The following RPN1 variants were observed in gnomAD, a reference collection of about 807,000 sequenced individuals.
The protein encoded by RPN1 is dolichyl-diphosphooligosaccharide--protein glycosyltransferase subunit 1.
In RPN1, 12 loss-of-function variants were observed where a neutral mutation model predicts 55.5. The ratio of observed to expected loss-of-function variants is 0.22; its 90% CI spans 0.14 to 0.35. The LOEUF (loss-of-function observed/expected upper bound fraction) is 0.35, where lower values mean the gene tolerates loss of function less well. Among genes scored for constraint, RPN1 ranks in the 10% least tolerant of loss-of-function variants. The pLI, the probability that RPN1 is intolerant of heterozygous loss-of-function variation, is 1.00. For missense variants in RPN1, 679 were observed against 761.3 expected (o/e 0.89, Z 1.27); for synonymous variants, 317 against 305.9 (o/e 1.04, Z -0.38).
At chr3:128,635,662 TATAG>T (rs1173240397) in intron 3 of RPN1, among the ~76,000 whole-genome samples, 6 of 110,182 alleles carry the variant, frequency 5.4e-5, no homozygotes, top group Non-Finnish European at 1.1e-4. Context: ...TATATATATA[TATAG>T]ATATCTATAG....
chr3:128,628,730 C>G (rs939752302), intron 5 of RPN1, among the ~76,000 whole-genome samples: 5 of 151,982 alleles, frequency 3.3e-5, no homozygotes, highest in African/African-American at 1.2e-4. Flanking sequence ...ACCTATAATC[C>G]CAGCACTTTA....
chr3:128,647,455 G>C (rs1223229383), intron 1 of RPN1, among the ~76,000 whole-genome samples: 2 of 152,068 alleles, frequency 1.3e-5, no homozygotes, highest in African/African-American at 4.8e-5. Context: ...CCAACACTTT[G>C]GGAGGACTGC....
chr3:128,636,728 T>C (rs1364913513), intron 3 of RPN1, among the ~76,000 whole-genome samples: 5 of 152,098 alleles, frequency 3.3e-5, no homozygotes, highest in African/African-American at 1.2e-4. Flanking sequence ...TTATTATTTT[T>C]TGTAAAAATG....
At chr3:128,642,121 TCAGA>T (rs1262711843) in intron 2 of RPN1, among the ~76,000 whole-genome samples, 1 of 152,298 alleles carries the variant, frequency 6.6e-6, no homozygotes, top group East Asian at 1.9e-4. Flanking sequence ...GACAGGGTAC[TCAGA>T]CAGCCTCAGA....
At position 128,627,831 on chromosome 3, in the gene RPN1, C is replaced by G. The variant is rs79831019; in HGVS notation, c.1037-999G>C. Among the ~76,000 whole-genome samples, 7 of 3,706 alleles carry G rather than the reference C, an allele frequency of 1.9e-3. No homozygotes were observed. The South Asian group carries it at 0.071, about 38-fold the overall frequency. The allele number at this position is 3,706 out of a possible 152,430, so 2.4% of individuals were successfully genotyped here. A position where few individuals can be genotyped will look rare whatever the true frequency, so the allele number is the denominator to read the frequency against. On this transcript the variant is annotated intron_variant, in intron 5 of 9. Transcript: ENST00000296255. ...AAAATGGGATGAAAACAAGAACACC[C>G]CTGTAAGAAAATGAAAACATGCCAG...
intron 3 of RPN1, 114 bp from the exon 4 acceptor site, chr3:128,632,271 G>A: frequency 5.7e-6 from 5 of 876,788 alleles, no homozygotes; most frequent in Non-Finnish European, 9.0e-6. Flanking sequence ...GGTAAATTAT[G>A]ATGTATCTAA....
At chr3:128,635,869 T>C (rs1280820516) in intron 3 of RPN1, among the ~76,000 whole-genome samples, 1 of 151,386 alleles carries the variant, frequency 6.6e-6, no homozygotes, top group Non-Finnish European at 1.5e-5. Context: ...AAACTTGTTA[T>C]GTATAATTTT....
At chr3:128,645,955 A>T (rs971517042) in intron 1 of RPN1, among the ~76,000 whole-genome samples, 1 of 152,062 alleles carries the variant, frequency 6.6e-6, no homozygotes, top group Non-Finnish European at 1.5e-5. Context: ...GTAATAGAAA[A>T]GTCTCAGGGC....
Position 128,622,232 on chromosome 3 carries a change from C to G in RPN1, c.1573G>C (p.Ala525Pro), listed in dbSNP as rs201108570. 2.0e-4 allele frequency: 328 copies of G among 1,614,214 alleles called. No homozygotes were observed. Among genetic ancestry groups the G allele is most frequent in the Non-Finnish European group, 2.2e-4 (255 of 1,180,022 alleles). The stretch of plus-strand genomic sequence containing the variant: ...AGCAGTGCAATCTCACTGGTCAAGG[C>G]CTTGTGTTCAGTCTCCAGGCTCTTC... The part of the protein sequence containing the change: ...GKKSLETEHK[A>P]LTSEIALLQS... The change falls in exon 9 of 10, where the codon GCC becomes CCC. Residue 525 changes from alanine (A) to proline (P), a missense_variant. Physicochemically the swap from Ala to Pro is conservative, Grantham distance 27 (BLOSUM62 -1). Coordinates refer to ENST00000296255, the MANE Select transcript of RPN1 (RefSeq NM_002950.4).
At chr3:128,643,242 G>A (rs1016354360) in intron 2 of RPN1, among the ~76,000 whole-genome samples, 5 of 150,180 alleles carry the variant, frequency 3.3e-5, no homozygotes, top group Non-Finnish European at 5.9e-5. Flanking sequence ...CAGGAGAATC[G>A]CTTGAACCTA....
chr3:128,636,876 C>G (rs1240541663), intron 3 of RPN1, among the ~76,000 whole-genome samples: 1 of 152,078 alleles, frequency 6.6e-6, no homozygotes, highest in South Asian at 2.1e-4. Context: ...TCTAAAATAC[C>G]CATATTTTTT....
At chr3:128,640,240 GAA>G (rs1360367910) in intron 2 of RPN1, among the ~76,000 whole-genome samples, 1 of 152,092 alleles carries the variant, frequency 6.6e-6, no homozygotes, top group Non-Finnish European at 1.5e-5. Context: ...ATTCTAAACT[GAA>G]TCAGTTTTCC....
intron 4 of RPN1, among the ~76,000 whole-genome samples, 187 bp downstream of exon 4, chr3:128,631,761 G>A (rs1037369466): frequency 8.6e-5 from 13 of 152,006 alleles, no homozygotes; most frequent in African/African-American, 2.9e-4. Context: ...AAAGAAAATG[G>A]CTTATCTATA....
At chr3:128,632,313 G>C (rs1168263254) in intron 3 of RPN1, among the ~76,000 whole-genome samples, 156 bp from the exon 4 acceptor site, 1 of 152,094 alleles carries the variant, frequency 6.6e-6, no homozygotes, top group Non-Finnish European at 1.5e-5. Context: ...ATGTTTACTA[G>C]GACTTCTTGC....
intron 8 of RPN1, among the ~76,000 whole-genome samples, chr3:128,624,792 C>T (rs1353191218): frequency 2.6e-5 from 4 of 151,880 alleles, no homozygotes; most frequent in Non-Finnish European, 4.4e-5. Context: ...ATGGAGATCG[C>T]GCCACTGCAC....
At chr3:128,643,518 G>A (rs1439967764) in intron 2 of RPN1, among the ~76,000 whole-genome samples, 2 of 151,470 alleles carry the variant, frequency 1.3e-5, no homozygotes, top group African/African-American at 4.8e-5. Context: ...CAAAACTTGT[G>A]GGGCACGGTG....
chr3:128,631,980 C>G lies in RPN1; in HGVS notation c.811G>C (p.Asp271His). 2 of 1,614,204 alleles carry G rather than the reference C, an allele frequency of 1.2e-6. No homozygotes were observed. Among genetic ancestry groups the G allele is most frequent in the Non-Finnish European group, 1.7e-6 (2 of 1,180,030 alleles). Residue 271 changes from aspartate (D) to histidine (H), a missense_variant, in exon 4 of 10, where the codon GAT becomes CAT. Physicochemically the swap from Asp to His is moderately conservative, Grantham distance 81. Around this residue, in one of 3 missense-constraint regions of RPN1, gnomAD observed 352 missense variants for 352.8 expected, o/e 1.00. Transcript: ENST00000296255. Reference protein sequence around the residue: ...FSRYDYQRQPDSGISSIRSFK... With the variant: ...FSRYDYQRQPHSGISSIRSFK... ...GAACGGATGGAGGATATTCCACTAT[C>G]TGGCTGTCTCTGGTAATCATAGCGT...
chr3:128,642,539 C>CA (rs201269500), intron 2 of RPN1: 3 of 151,814 alleles, frequency 2.0e-5, no homozygotes, highest in African/African-American at 4.8e-5. Context: ...ACTAAAAATA[C>CA]AAAAAAATTA....
chr3:128,639,378 C>T (rs867171055), intron 2 of RPN1, among the ~76,000 whole-genome samples: 7 of 149,168 alleles, frequency 4.7e-5, no homozygotes, highest in Non-Finnish European at 7.4e-5. Flanking sequence ...GATGTGAACC[C>T]GGAAGGCGGA....
Sources: allele counts gnomAD v4.1 joint callset (sites outside exome capture counted in the v4.1 genomes callset), GRCh38; gene constraint gnomAD v4.1.1; regional missense constraint gnomAD v4.1.1; transcripts MANE v1.5; gene names NCBI Gene and HGNC (gene_info 2026-07-23, HGNC 2026-07-21).